The following SMYD3 variants were observed in gnomAD, a reference collection of about 807,000 sequenced individuals.
The protein encoded by SMYD3 is SET and MYND domain containing 3.
A neutral mutation model predicts 57.7 loss-of-function variants in SMYD3; 36 were observed. The ratio of observed to expected loss-of-function variants is 0.62; its 90% CI spans 0.48 to 0.82. SMYD3 has a LOEUF of 0.82. Among genes scored for constraint, SMYD3 ranks in the 40% least tolerant of loss-of-function variants. SMYD3 has a pLI of 0.00. For missense variants in SMYD3, 515 were observed against 538.8 expected (o/e 0.96, Z 0.44); for synonymous variants, 211 against 195.0 (o/e 1.08, Z -0.68).
At chr1:246,072,444 G>A (rs892257460) in intron 5 of SMYD3, among the ~76,000 whole-genome samples, 1 of 152,344 alleles carries the variant, frequency 6.6e-6, no homozygotes, top group Admixed American at 6.5e-5. Flanking sequence ...TTTCCGCTGT[G>A]CTCAGTGTGG....
chr1:246,468,838 T>C (rs995825262), intron 1 of SMYD3, among the ~76,000 whole-genome samples: 2 of 152,038 alleles, frequency 1.3e-5, no homozygotes, highest in African/African-American at 4.8e-5. Flanking sequence ...TAGCCGGGCA[T>C]GGTGGTACAT....
chr1:246,079,482 C>G (rs10924496), intron 5 of SMYD3, among the ~76,000 whole-genome samples: 26,074 of 152,146 alleles, frequency 0.17, 4,119 homozygotes, highest in African/African-American at 0.42. Context: ...AACTTCCCAA[C>G]TAGACTGCAC....
At chr1:246,049,114 G>T (rs887224037) in intron 5 of SMYD3, among the ~76,000 whole-genome samples, 1 of 152,048 alleles carries the variant, frequency 6.6e-6, no homozygotes, top group Non-Finnish European at 1.5e-5. Flanking sequence ...ATTTTGAGGG[G>T]AGGAGCAAGT....
intron 5 of SMYD3, among the ~76,000 whole-genome samples, chr1:246,212,052 A>T (rs1339431566): frequency 6.6e-6 from 1 of 152,164 alleles, no homozygotes; most frequent in African/African-American, 2.4e-5. Flanking sequence ...ATCGGAATCA[A>T]AAGCTTTTAT....
At chr1:246,219,936 C>T (rs574743166) in intron 5 of SMYD3, among the ~76,000 whole-genome samples, 1 of 152,270 alleles carries the variant, frequency 6.6e-6, no homozygotes, top group South Asian at 2.1e-4. Flanking sequence ...CCACCTCCCA[C>T]CTTGTTGACT....
chr1:246,450,091 C>G (rs1209010717), intron 1 of SMYD3, among the ~76,000 whole-genome samples: 1 of 152,120 alleles, frequency 6.6e-6, no homozygotes, highest in Non-Finnish European at 1.5e-5. Context: ...AGTTCGAGAC[C>G]AGCCTGACCA....
At chr1:246,224,899 A>T (rs1243587782) in intron 5 of SMYD3, among the ~76,000 whole-genome samples, 2 of 152,092 alleles carry the variant, frequency 1.3e-5, no homozygotes, top group African/African-American at 2.4e-5. Context: ...AGAAAAAGGA[A>T]GGTGGCAGAG....
At chr1:246,159,286 T>C (rs530633174) in intron 5 of SMYD3, among the ~76,000 whole-genome samples, 1 of 152,316 alleles carries the variant, frequency 6.6e-6, no homozygotes, top group South Asian at 2.1e-4. Context: ...AAGCTCCTTA[T>C]ACCTTTTTCT....
intron 8 of SMYD3, among the ~76,000 whole-genome samples, chr1:245,870,791 T>G (rs1326541380): frequency 6.6e-6 from 1 of 151,692 alleles, no homozygotes; most frequent in Non-Finnish European, 1.5e-5. Context: ...CCAGGCTAGC[T>G]GAGTATAAAC....
At chr1:246,196,334 A>G (rs527766339) in intron 5 of SMYD3, among the ~76,000 whole-genome samples, 2 of 152,328 alleles carry the variant, frequency 1.3e-5, no homozygotes, top group South Asian at 4.1e-4. Context: ...GTAAATGTCC[A>G]GCAAAAAGCA....
intron 5 of SMYD3, among the ~76,000 whole-genome samples, chr1:246,039,000 A>T (rs2059824008): frequency 6.6e-6 from 1 of 152,152 alleles, no homozygotes; most frequent in Non-Finnish European, 1.5e-5. Context: ...AATAAACAAA[A>T]ATTGGCCGTT....
At chr1:245,801,212 G>C (rs2047844114) in intron 10 of SMYD3, among the ~76,000 whole-genome samples, 1 of 152,188 alleles carries the variant, frequency 6.6e-6, no homozygotes, top group Non-Finnish European at 1.5e-5. Flanking sequence ...GTTTAAAATA[G>C]CTAAACTTTT....
At chr1:246,266,765 C>T (rs2064116331) in intron 5 of SMYD3, among the ~76,000 whole-genome samples, 1 of 151,078 alleles carries the variant, frequency 6.6e-6, no homozygotes, top group South Asian at 2.1e-4. Context: ...CCAGTGCACT[C>T]CAGCCGAAAG....
chr1:246,366,808 G>A (rs1037129211), intron 1 of SMYD3, among the ~76,000 whole-genome samples: 3 of 151,706 alleles, frequency 2.0e-5, no homozygotes, highest in South Asian at 2.1e-4. Context: ...GTGTGTGCCT[G>A]TAATCCCAGC....
At chr1:246,500,047 T>G (rs1340757460) in intron 1 of SMYD3, among the ~76,000 whole-genome samples, 2 of 81,344 alleles carry the variant, frequency 2.5e-5, no homozygotes, top group Non-Finnish European at 5.5e-5. Context: ...TGCTGGATTC[T>G]GCACTACCAT....
In SMYD3 at chr1:246,018,564, G is replaced by A. The variant is rs142654811; in HGVS notation, c.532-88627C>T. Among the ~76,000 whole-genome samples the A allele has an allele frequency of 3.9e-5, 6 of 152,244 alleles. No homozygotes were observed. In the East Asian group the frequency reaches 7.7e-4, roughly 20 times the overall value. On this transcript the variant is annotated intron_variant, in intron 5 of 11. Coordinates refer to ENST00000490107, the MANE Select transcript of SMYD3 (RefSeq NM_001167740.2). ...TATTTCTGTAAAAATTGTGCTTCACGTGCTTTGTCTATTTACCTATACACA... is the reference window on the plus strand; with the variant it reads ...TATTTCTGTAAAAATTGTGCTTCACATGCTTTGTCTATTTACCTATACACA...
chr1:245,832,042 C>T (rs372558607), intron 10 of SMYD3, among the ~76,000 whole-genome samples: 6 of 152,276 alleles, frequency 3.9e-5, no homozygotes, highest in South Asian at 2.1e-4. Flanking sequence ...TCTACCTCCA[C>T]GCTTTTTGGG....
At chr1:245,909,727 T>C (rs1028001943) in intron 8 of SMYD3, among the ~76,000 whole-genome samples, 3 of 152,038 alleles carry the variant, frequency 2.0e-5, no homozygotes, top group South Asian at 2.1e-4. Context: ...ATCATTTCAA[T>C]AGATGTTGAA....
chr1:245,797,827 C>CAAAAAAAAAAAAAAA (rs2047609152), intron 10 of SMYD3, among the ~76,000 whole-genome samples: 1 of 53,906 alleles, frequency 1.9e-5, no homozygotes, highest in East Asian at 3.0e-4. Context: ...CTTCCGGGTT[C>CAAAAAAAAAAAAAAA]CAAAAAAAAA....
Sources: allele counts gnomAD v4.1 joint callset (sites outside exome capture counted in the v4.1 genomes callset), GRCh38; gene constraint gnomAD v4.1.1; transcripts MANE v1.5; gene names NCBI Gene and HGNC (gene_info 2026-07-23, HGNC 2026-07-21).